Variants in GREM1 observed in about 807,000 individuals in gnomAD.
GREM1 encodes the protein gremlin 1, DAN family BMP antagonist.
A neutral mutation model predicts 13.1 loss-of-function variants in GREM1; 6 were observed. The ratio of observed to expected loss-of-function variants is 0.46; its 90% CI spans 0.25 to 0.91. The LOEUF (loss-of-function observed/expected upper bound fraction) is 0.91. Ranked by LOEUF, GREM1 falls within the 40% of genes least tolerant of loss-of-function variation. GREM1 has a pLI of 0.18. For missense variants in GREM1, 185 were observed against 233.9 expected (o/e 0.79, Z 1.36); for synonymous variants, 98 against 93.7 (o/e 1.05, Z -0.27).
intron 1 of GREM1, chr15:32,718,642 T>G: frequency 2.7e-6 from 1 of 364,160 alleles, no homozygotes; most frequent in South Asian, 2.0e-5. Flanking sequence ...GGGCGCCCAT[T>G]GGAGTCCGCG....
intron 1 of GREM1, among the ~76,000 whole-genome samples, chr15:32,729,498 A>C (rs552492564): frequency 6.6e-6 from 1 of 152,166 alleles, no homozygotes; most frequent in Admixed American, 6.5e-5. Flanking sequence ...TGAACATTCA[A>C]CTTGTAGAAG....
chr15:32,735,236 C>A lies in GREM1; in HGVS notation c.*3991C>A, dbSNP rs575331108. ...TCCCTTTCTACTTAGATATATAATA[C>A]AAGATTTCTATTAGGTATGGGTGCT... On this transcript the variant is annotated 3_prime_UTR_variant, in exon 2 of 2. Coordinates refer to ENST00000651154, the MANE Select transcript of GREM1 (RefSeq NM_013372.7). 10 of 152,250 alleles carry A rather than the reference C, an allele frequency of 6.6e-5. No individual in the cohort carries two copies. Among genetic ancestry groups the A allele is most frequent in the Admixed American group, 5.9e-4 (9 of 15,286 alleles). The allele number at this position is 152,250 out of a possible 1,614,324, so 9.4% of individuals were successfully genotyped here.
chr15:32,720,554 C>A (rs778029381), intron 1 of GREM1, among the ~76,000 whole-genome samples: 3 of 152,086 alleles, frequency 2.0e-5, no homozygotes, highest in Non-Finnish European at 2.9e-5. Context: ...GTGACTGCAG[C>A]CTCTAACCAA....
rs2140700117 is a variant in GREM1, at chr15:32,734,298, T to A, written c.*3053T>A. On this transcript the variant is annotated 3_prime_UTR_variant, in exon 2 of 2. Coordinates refer to ENST00000651154, the MANE Select transcript of GREM1 (RefSeq NM_013372.7). ...TGCATGTATACAAACGAATAGCAGATAATGATGACTAGTTCACACATAAAG... is the reference window on the plus strand; with the variant it reads ...TGCATGTATACAAACGAATAGCAGAAAATGATGACTAGTTCACACATAAAG... The A allele has an allele frequency of 4.1e-6, 1 of 245,562 alleles. No homozygotes were observed. The highest frequency in any genetic ancestry group is 1.8e-4 in the South Asian group (1 of 5,522). 15.2% of individuals were successfully genotyped at this position (245,562 alleles called of 1,614,324 possible). A position where few individuals can be genotyped will look rare whatever the true frequency, so the allele number is the denominator to read the frequency against.
intron 1 of GREM1, among the ~76,000 whole-genome samples, chr15:32,721,217 G>A (rs1307479513): frequency 6.6e-6 from 1 of 152,160 alleles, no homozygotes; most frequent in Non-Finnish European, 1.5e-5. Flanking sequence ...TGAGCTGTGT[G>A]ACCTTGGACA....
intron 1 of GREM1, among the ~76,000 whole-genome samples, chr15:32,719,894 G>A (rs547394597): frequency 9.2e-5 from 14 of 152,208 alleles, no homozygotes; most frequent in South Asian, 4.2e-4. Flanking sequence ...AGAGTCTTGA[G>A]GGGGGGATGT....
At position 32,728,061 on chromosome 15, in the gene GREM1, C is replaced by G. The variant is rs542391470; in HGVS notation, c.-1-2629C>G. Among the ~76,000 whole-genome samples, 10 of 152,106 alleles carry G rather than the reference C, an allele frequency of 6.6e-5. No individual in the cohort carries two copies. In the South Asian group the frequency reaches 2.1e-3, roughly 32 times the overall value. ...ATATTATGAAAATGGCCATACTGCCCAAAACAATTTATAGATTCAATGCCA... is the reference window on the plus strand; with the variant it reads ...ATATTATGAAAATGGCCATACTGCCGAAAACAATTTATAGATTCAATGCCA... On this transcript the variant is annotated intron_variant, in intron 1 of 1. Coordinates refer to ENST00000651154, the MANE Select transcript of GREM1 (RefSeq NM_013372.7).
At chr15:32,726,404 A>G (rs1595848008) in intron 1 of GREM1, among the ~76,000 whole-genome samples, 2 of 152,212 alleles carry the variant, frequency 1.3e-5, no homozygotes, top group African/African-American at 4.8e-5. Flanking sequence ...TACTGGGTAA[A>G]TAACAAAATT....
At position 32,732,931 on chromosome 15, in the gene GREM1, C is replaced by A. The variant is rs555503092; in HGVS notation, c.*1686C>A. The A allele has an allele frequency of 6.3e-5, 14 of 221,332 alleles. No individual in the cohort carries two copies. In the South Asian group the frequency reaches 2.6e-3, roughly 42 times the overall value. 13.7% of individuals were successfully genotyped at this position (221,332 alleles called of 1,614,324 possible). A position where few individuals can be genotyped will look rare whatever the true frequency, so the allele number is the denominator to read the frequency against. ...AGTCCTATGTAATATGGAAAACAAACACTGCAGACTTGAGATTCAGTTGCC... is the reference window on the plus strand; with the variant it reads ...AGTCCTATGTAATATGGAAAACAAAAACTGCAGACTTGAGATTCAGTTGCC... On this transcript the variant is annotated 3_prime_UTR_variant, in exon 2 of 2. Coordinates refer to ENST00000651154, the MANE Select transcript of GREM1 (RefSeq NM_013372.7).
At position 32,734,262 on chromosome 15, in the gene GREM1, A is replaced by G. The variant is rs2055668358; in HGVS notation, c.*3017A>G. The G allele has an allele frequency of 4.1e-6, 1 of 243,496 alleles. No individual in the cohort carries two copies. Among genetic ancestry groups the G allele is most frequent in the Non-Finnish European group, 8.7e-6 (1 of 115,424 alleles). The allele number at this position is 243,496 out of a possible 1,614,324, so 15.1% of individuals were successfully genotyped here. ...AGAAAGACTTTAAATGTTATTTTGG[A>G]AGACTTACGATGCATGTATACAAAC... On this transcript the variant is annotated 3_prime_UTR_variant, in exon 2 of 2. Transcript: ENST00000651154.
rs1567117486 is a variant in GREM1 at position 32,738,110 on chromosome 15, A to C, written c.*6865A>C. ...AAAAAAAAAAAAAAAAAAAAAAAAA[A>C]AAAAAAAAAAAAAAAAAAAAAAAGA... On this transcript the variant is annotated 3_prime_UTR_variant, in exon 2 of 2. Coordinates refer to ENST00000651154, the MANE Select transcript of GREM1 (RefSeq NM_013372.7). 1.2e-3 allele frequency: 145 copies of C among 122,638 alleles called. 8 individuals are homozygous for C. The highest frequency in any genetic ancestry group is 4.3e-3 in the African/African-American group (126 of 29,050). The allele number at this position is 122,638 out of a possible 1,614,324, so 7.6% of individuals were successfully genotyped here.
At position 32,737,342 on chromosome 15, in the gene GREM1, C is replaced by T. The variant is rs1173433463; in HGVS notation, c.*6097C>T. The stretch of plus-strand genomic sequence containing the variant: ...AAAATAAAACCATAGACCAATATCT[C>T]TTTTAAGTGTAAATGCAAAAAAATT... On this transcript the variant is annotated 3_prime_UTR_variant, in exon 2 of 2. Transcript: ENST00000651154. 1.3e-5 allele frequency: 2 copies of T among 152,104 alleles called. No individual in the cohort carries two copies. The highest frequency in any genetic ancestry group is 2.9e-5 in the Non-Finnish European group (2 of 68,034). 9.4% of individuals were successfully genotyped at this position (152,104 alleles called of 1,614,324 possible). A position where few individuals can be genotyped will look rare whatever the true frequency, so the allele number is the denominator to read the frequency against.
At position 32,724,628 on chromosome 15, in the gene GREM1, CT is replaced by C. The variant is rs11285245; in HGVS notation, c.-1-6051del. ...TATAACTGGGCGTTTCTCATAAGTGCTTTTTTTTTTTCTTTTTCTTTTTATA... is the reference window on the plus strand; with the variant it reads ...TATAACTGGGCGTTTCTCATAAGTGCTTTTTTTTTTCTTTTTCTTTTTATA... On this transcript the variant is annotated intron_variant, in intron 1 of 1. Coordinates refer to ENST00000651154, the MANE Select transcript of GREM1 (RefSeq NM_013372.7). Among the ~76,000 whole-genome samples, 16,721 of 147,038 alleles carry C rather than the reference CT, an allele frequency of 0.11. 938 individuals carry two copies. Among genetic ancestry groups the C allele is most frequent in the East Asian group, 0.23 (1,142 of 5,066 alleles).
Position 32,730,991 on chromosome 15 carries a change from C to G in GREM1, c.301C>G (p.Gln101Glu). The part of the protein sequence containing the change: ...RDWCKTQPLK[Q>E]TIHEEGCNSR... ...CTGGTGCAAAACCCAGCCGCTTAAG[C>G]AGACCATCCACGAGGAAGGCTGCAA... Residue 101 changes from glutamine to glutamate, a missense_variant, in exon 2 of 2, where the codon CAG becomes GAG. Physicochemically the swap from Gln to Glu is conservative, Grantham distance 29. Transcript: ENST00000651154. 6.2e-7 allele frequency: 1 copy of G among 1,614,230 alleles called. No individual in the cohort carries two copies. Among genetic ancestry groups the G allele is most frequent in the Non-Finnish European group, 8.5e-7 (1 of 1,180,044 alleles).
At chr15:32,724,775 C>G (rs911700596) in intron 1 of GREM1, among the ~76,000 whole-genome samples, 2 of 152,116 alleles carry the variant, frequency 1.3e-5, no homozygotes, top group Non-Finnish European at 2.9e-5. Context: ...TCTCCTAATG[C>G]TACCCCTTCC....
chr15:32,724,885 G>A (rs376225646), intron 1 of GREM1, among the ~76,000 whole-genome samples: 6 of 151,730 alleles, frequency 4.0e-5, no homozygotes, highest in Non-Finnish European at 2.9e-5. Flanking sequence ...GAGAGCATGC[G>A]GTGTTTGGTT....
rs76507954 is a variant in GREM1, at chr15:32,739,911, T to G, written c.*8666T>G. 1,623 of 152,334 alleles carry G rather than the reference T, an allele frequency of 0.011. 18 individuals carry two copies. The highest frequency in any genetic ancestry group is 0.013 in the Non-Finnish European group (887 of 68,050). The allele number at this position is 152,334 out of a possible 1,614,324, so 9.4% of individuals were successfully genotyped here. On this transcript the variant is annotated 3_prime_UTR_variant, in exon 2 of 2. Coordinates refer to ENST00000651154, the MANE Select transcript of GREM1 (RefSeq NM_013372.7). Reference sequence around the variant, plus strand: ...TCCCAGAGGACTGGCTTCTATCTTGTCAGTCTTGGAGCTCTGACAGAATTG... The same window carrying G: ...TCCCAGAGGACTGGCTTCTATCTTGGCAGTCTTGGAGCTCTGACAGAATTG...
At position 32,737,714 on chromosome 15, in the gene GREM1, G is replaced by A. The variant is rs1420487129; in HGVS notation, c.*6469G>A. ...GGCTGAGCCAGGCGGATCACCTGAGGTCAGGAGTTCGAGACCAACCTGACC... is the reference window on the plus strand; with the variant it reads ...GGCTGAGCCAGGCGGATCACCTGAGATCAGGAGTTCGAGACCAACCTGACC... On this transcript the variant is annotated 3_prime_UTR_variant, in exon 2 of 2. Transcript: ENST00000651154. 6.6e-6 allele frequency: 1 copy of A among 151,596 alleles called. No individual in the cohort carries two copies. The highest frequency in any genetic ancestry group is 1.5e-5 in the Non-Finnish European group (1 of 67,952). The allele number at this position is 151,596 out of a possible 1,614,324, so 9.4% of individuals were successfully genotyped here. A position where few individuals can be genotyped will look rare whatever the true frequency, so the allele number is the denominator to read the frequency against.
Position 32,737,271 on chromosome 15 carries a change from T to G in GREM1, c.*6026T>G, listed in dbSNP as rs2055707439. ...GGAGGAAACACTTTCCACCTTATTTTCTATAACTAGTATTACCTTGATACC... is the reference window on the plus strand; with the variant it reads ...GGAGGAAACACTTTCCACCTTATTTGCTATAACTAGTATTACCTTGATACC... On this transcript the variant is annotated 3_prime_UTR_variant, in exon 2 of 2. Transcript: ENST00000651154. The G allele has an allele frequency of 6.6e-6, 1 of 152,212 alleles. No individual in the cohort carries two copies. Among genetic ancestry groups the G allele is most frequent in the Non-Finnish European group, 1.5e-5 (1 of 68,044 alleles). The allele number at this position is 152,212 out of a possible 1,614,324, so 9.4% of individuals were successfully genotyped here.
Sources: gnomAD v4.1 joint callset for allele counts (sites outside exome capture counted in the v4.1 genomes callset) on GRCh38, gnomAD v4.1.1 for gene constraint, MANE v1.5 for transcripts, NCBI Gene and HGNC (gene_info 2026-07-23, HGNC 2026-07-21) for gene names.